Variants in STOX1 observed in about 807,000 individuals in gnomAD.
STOX1 encodes the protein storkhead box 1.
A neutral mutation model predicts 74.8 loss-of-function variants in STOX1; 57 were observed. The observed-to-expected ratio is 0.76, with a 90% CI of 0.62 to 0.95. The LOEUF (loss-of-function observed/expected upper bound fraction) is 0.95. STOX1 is among the 40% of genes least tolerant of loss of function. The pLI is 0.00. For synonymous variants in STOX1, 375 were observed against 401.3 expected (o/e 0.93, Z 0.78); for missense variants, 1,010 against 1,117.0 (o/e 0.90, Z 1.37).
Position 68,827,844 on chromosome 10 carries a change from G to A in STOX1, c.221G>A (p.Arg74His). Residue 74 changes from arginine to histidine, a missense_variant, in exon 1 of 4, where the codon CGC (arginine) becomes CAC (histidine). Arg to His is a conservative substitution (Grantham distance 29). Transcript: ENST00000298596. The part of the protein sequence containing the change: ...GWLRRGVLLV[R>H]APPACLQVLR... ...CTGCGGCGGGGGGTGCTGCTGGTGC[G>A]CGCGCCCCCCGCCTGCCTGCAGGTG... 1 of 253,344 alleles carries A rather than the reference G, an allele frequency of 3.9e-6. No homozygotes were observed. The highest frequency in any genetic ancestry group is 5.0e-6 in the Non-Finnish European group (1 of 200,660). 15.7% of individuals were successfully genotyped at this position (253,344 alleles called of 1,614,324 possible). A position where few individuals can be genotyped will look rare whatever the true frequency, so the allele number is the denominator to read the frequency against.
chr10:68,837,881 A>G (rs1381027418), intron 1 of STOX1, among the ~76,000 whole-genome samples: 1 of 152,180 alleles, frequency 6.6e-6, no homozygotes, highest in African/African-American at 2.4e-5. Context: ...AAACACTTTG[A>G]AAAGTGCACA....
rs187064674 is a variant in STOX1, at chr10:68,844,564, A to G, written c.310+16631A>G. 6.8e-3 allele frequency among the ~76,000 whole-genome samples: 1,033 copies of G among 151,708 alleles called. 18 individuals are homozygous for G. Among genetic ancestry groups the G allele is most frequent in the African/African-American group, 0.024 (998 of 41,394 alleles). On this transcript the variant is annotated intron_variant, in intron 1 of 3. Coordinates refer to ENST00000298596, the MANE Select transcript of STOX1 (RefSeq NM_152709.5). Reference sequence around the variant, plus strand: ...TCCACTGGCCTCAGCCTCCCAAAGCACTGCGATTATAGGCATGAGCCACCA... The same window carrying G: ...TCCACTGGCCTCAGCCTCCCAAAGCGCTGCGATTATAGGCATGAGCCACCA...
At chr10:68,883,098 C>T (rs1428312417) in intron 2 of STOX1, among the ~76,000 whole-genome samples, 3 of 152,032 alleles carry the variant, frequency 2.0e-5, no homozygotes, top group East Asian at 3.9e-4. Flanking sequence ...GGCATCTGGG[C>T]CGGGTGTGGT....
chr10:68,862,552 T>C (rs888913230), intron 1 of STOX1, among the ~76,000 whole-genome samples: 1 of 152,134 alleles, frequency 6.6e-6, no homozygotes, highest in African/African-American at 2.4e-5. Context: ...CTTGATCTTA[T>C]TAAGAGCCAT....
chr10:68,855,156 T>C (rs1840089646), intron 1 of STOX1, among the ~76,000 whole-genome samples: 1 of 150,534 alleles, frequency 6.6e-6, no homozygotes, highest in Non-Finnish European at 1.5e-5. Context: ...AGTCTTGCTC[T>C]GTCACCCAGG....
At chr10:68,879,188 T>C (rs897221969) in intron 1 of STOX1, among the ~76,000 whole-genome samples, 7 of 152,134 alleles carry the variant, frequency 4.6e-5, no homozygotes, top group African/African-American at 1.7e-4. Context: ...CACCTGGACT[T>C]AGGGCTCCTT....
chr10:68,886,453 A>G lies in STOX1; in HGVS notation c.2657A>G (p.Gln886Arg), dbSNP rs750944524. 6.2e-7 allele frequency: 1 copy of G among 1,614,190 alleles called. No individual in the cohort carries two copies. Among genetic ancestry groups the G allele is most frequent in the South Asian group, 1.1e-5 (1 of 91,068 alleles). Residue 886 changes from glutamine (Q) to arginine (R), a missense_variant, in exon 3 of 4, where the codon CAG becomes CGG. Gln to Arg is a conservative substitution (Grantham distance 43). Coordinates refer to ENST00000298596, the MANE Select transcript of STOX1 (RefSeq NM_152709.5). The part of the protein sequence containing the change: ...DTGKKPASWS[Q>R]SPQNQEMRKH... ...GGAAAGAAGCCAGCTAGCTGGAGTC[A>G]GAGTCCTCAGAATCAGGAAATGAGA...
intron 1 of STOX1, among the ~76,000 whole-genome samples, chr10:68,829,332 A>C (rs902761388): frequency 2.0e-5 from 3 of 152,174 alleles, no homozygotes; most frequent in African/African-American, 7.2e-5. Flanking sequence ...TCTGGCTAAT[A>C]CGGTGAAACC....
At chr10:68,873,578 T>TTA (rs1840595439) in intron 1 of STOX1, among the ~76,000 whole-genome samples, 1 of 148,988 alleles carries the variant, frequency 6.7e-6, no homozygotes. Flanking sequence ...TTTTTTTTTT[T>TTA]AATCCTGAGT....
intron 1 of STOX1, among the ~76,000 whole-genome samples, chr10:68,849,874 C>G: frequency 6.6e-6 from 1 of 152,116 alleles, no homozygotes; most frequent in East Asian, 1.9e-4. Flanking sequence ...CCTAAACTTA[C>G]CATTCATCTG....
chr10:68,832,204 ATTTG>A (rs1839430052), intron 1 of STOX1, among the ~76,000 whole-genome samples: 4 of 151,834 alleles, frequency 2.6e-5, no homozygotes, highest in Admixed American at 2.6e-4. Context: ...GGGCACCTGT[ATTTG>A]TTTGGAAGAA....
chr10:68,838,718 G>A (rs917610582), intron 1 of STOX1, among the ~76,000 whole-genome samples: 51 of 152,062 alleles, frequency 3.4e-4, no homozygotes, highest in African/African-American at 1.2e-3. Flanking sequence ...AGACCATCCT[G>A]GCTAACATGG....
intron 1 of STOX1, among the ~76,000 whole-genome samples, chr10:68,845,228 C>A (rs945445773): frequency 4.6e-5 from 7 of 152,022 alleles, no homozygotes; most frequent in African/African-American, 1.4e-4. Context: ...CTCAGCACCC[C>A]CAAGTAGCTG....
intron 1 of STOX1, among the ~76,000 whole-genome samples, chr10:68,876,004 A>G (rs1342019179): frequency 6.6e-6 from 1 of 151,654 alleles, no homozygotes; most frequent in South Asian, 2.1e-4. Context: ...TCCTCAAATG[A>G]GTGGACTTGT....
chr10:68,892,757 T>C lies in STOX1; in HGVS notation c.*21T>C. The C allele has an allele frequency of 1.9e-6, 3 of 1,609,906 alleles. No individual in the cohort carries two copies. The highest frequency in any genetic ancestry group is 3.3e-4 in the Middle Eastern group (2 of 6,046). ...TTTAATTTTCTTTTGGAAACCTACT[T>C]TTTTCTTTATAAAAAGGTAGAGCAT... On this transcript the variant is annotated 3_prime_UTR_variant, in exon 4 of 4. Transcript: ENST00000298596.
At chr10:68,846,963 TAAC>T (rs1213748895) in intron 1 of STOX1, 1 of 152,222 alleles carries the variant, frequency 6.6e-6, no homozygotes, top group Admixed American at 6.5e-5. Flanking sequence ...ATTCACATCT[TAAC>T]AATCAATATT....
At chr10:68,846,836 T>C (rs1779802890) in intron 1 of STOX1, 1 of 152,152 alleles carries the variant, frequency 6.6e-6, no homozygotes, top group African/African-American at 2.4e-5. Flanking sequence ...ATACTAAAAT[T>C]CAAACGATAT....
intron 2 of STOX1, among the ~76,000 whole-genome samples, chr10:68,882,583 C>T (rs930832070): frequency 4.0e-5 from 6 of 151,614 alleles, no homozygotes; most frequent in African/African-American, 1.2e-4. Flanking sequence ...CTGCAACTTC[C>T]GCCTCCCCGG....
chr10:68,838,906 T>C (rs1459879515), intron 1 of STOX1, among the ~76,000 whole-genome samples: 2 of 139,110 alleles, frequency 1.4e-5, no homozygotes. Context: ...CGAGACTCTG[T>C]CTCAAAAAAA....
Sources: gnomAD v4.1 joint callset for allele counts (sites outside exome capture counted in the v4.1 genomes callset) on GRCh38, gnomAD v4.1.1 for gene constraint, MANE v1.5 for transcripts, NCBI Gene and HGNC (gene_info 2026-07-23, HGNC 2026-07-21) for gene names.